Variants in HSPA12A observed in about 807,000 individuals in gnomAD.
HSPA12A encodes the protein heat shock protein family A (Hsp70) member 12A, also known as heat shock 70 kDa protein 12A.
Under a neutral mutation model 69.2 loss-of-function variants are expected in HSPA12A, and 28 were observed. The ratio of observed to expected loss-of-function variants is 0.40; its 90% CI spans 0.30 to 0.55. The LOEUF is 0.55. Among genes scored for constraint, HSPA12A ranks in the 20% least tolerant of loss-of-function variants. The pLI, the probability that HSPA12A is intolerant of heterozygous loss-of-function variation, is 0.38. For missense variants in HSPA12A, 686 were observed against 900.7 expected (o/e 0.76, Z 3.05); for synonymous variants, 345 against 370.5 (o/e 0.93, Z 0.79).
intron 2 of HSPA12A, among the ~76,000 whole-genome samples, chr10:116,759,446 A>T (rs1554889099): frequency 6.6e-6 from 1 of 152,166 alleles, no homozygotes; most frequent in African/African-American, 2.4e-5. Flanking sequence ...ATTGGACAGA[A>T]CTAGATCTCA....
chr10:116,783,096 A>G (rs1346257234), intron 2 of HSPA12A, among the ~76,000 whole-genome samples: 2 of 152,210 alleles, frequency 1.3e-5, no homozygotes, highest in Non-Finnish European at 2.9e-5. Flanking sequence ...ACAGATACCA[A>G]TCACGTCCAG....
intron 2 of HSPA12A, among the ~76,000 whole-genome samples, chr10:116,787,040 T>C (rs1844594522): frequency 6.6e-6 from 1 of 151,196 alleles, no homozygotes; most frequent in African/African-American, 2.4e-5. Flanking sequence ...ACACACACGG[T>C]CAGATTCTGC....
intron 2 of HSPA12A, among the ~76,000 whole-genome samples, chr10:116,761,087 A>C (rs1017124805): frequency 6.6e-6 from 1 of 152,338 alleles, no homozygotes; most frequent in East Asian, 1.9e-4. Flanking sequence ...ATGGTGGCTC[A>C]TGCCTGTAAT....
At chr10:116,726,054 C>CA (rs1554884997) in intron 1 of HSPA12A, among the ~76,000 whole-genome samples, 67 of 144,908 alleles carry the variant, frequency 4.6e-4, no homozygotes, top group African/African-American at 1.9e-3. Flanking sequence ...CACACACACA[C>CA]AACAGGCCAA....
In HSPA12A at chr10:116,698,642, G is replaced by A. The variant is rs782191373; in HGVS notation, c.539C>T (p.Ala180Val). 94 of 1,611,818 alleles carry A rather than the reference G, an allele frequency of 5.8e-5. No individual in the cohort carries two copies. Among genetic ancestry groups the A allele is most frequent in the African/African-American group, 1.2e-4 (9 of 74,932 alleles). ...AYALQYFKEQALKELSDQAGS... is the reference protein window; with the variant it reads ...AYALQYFKEQVLKELSDQAGS... ...CTCAACTATCAGTCCTACCTTCAGC[G>A]CCTGCTCCTTAAAGTACTGCAGGGC... Residue 180 changes from alanine (A) to valine (V), a missense_variant, in exon 5 of 12, where the codon GCG becomes GTG. Transcript: ENST00000369209.
chr10:116,838,064 C>A (rs1845746431), intron 1 of HSPA12A, among the ~76,000 whole-genome samples: 1 of 151,654 alleles, frequency 6.6e-6, no homozygotes. Context: ...TAAAAAAAAA[C>A]AAGATTTATA....
In HSPA12A at chr10:116,759,709, G is replaced by A. The variant is rs144739537; in HGVS notation, c.92-52424C>T. Among the ~76,000 whole-genome samples the A allele has an allele frequency of 1.1e-4, 16 of 152,218 alleles. No individual in the cohort carries two copies. In the East Asian group the frequency reaches 2.9e-3, roughly 28 times the overall value. On this transcript the variant is annotated intron_variant, in intron 2 of 12. Coordinates refer to the HSPA12A transcript ENST00000635765. ...CCTCAGGTGGAATTCAGTGGTTTCT[G>A]CTTGATATGGTTTGGCTGTGTCCCC...
At chr10:116,740,646 G>T (rs191995256) in intron 1 of HSPA12A, among the ~76,000 whole-genome samples, 223 of 11,830 alleles carry the variant, frequency 0.019, 1 homozygote, top group African/African-American at 0.04. Context: ...CCGTGTGTGT[G>T]TGTGTGTGTG....
chr10:116,679,024 A>G (rs1337838202), intron 10 of HSPA12A, among the ~76,000 whole-genome samples: 2 of 152,118 alleles, frequency 1.3e-5, no homozygotes, highest in African/African-American at 2.4e-5. Flanking sequence ...ACCGTCTTCT[A>G]AATATATTCA....
chr10:116,765,819 T>C (rs1476708411), intron 2 of HSPA12A, among the ~76,000 whole-genome samples: 1 of 152,208 alleles, frequency 6.6e-6, no homozygotes, highest in Non-Finnish European at 1.5e-5. Context: ...GTTCCCAGTC[T>C]TGCCTTAGCG....
intron 2 of HSPA12A, among the ~76,000 whole-genome samples, chr10:116,706,617 C>T (rs1351760618): frequency 7.2e-5 from 11 of 152,164 alleles, no homozygotes; most frequent in African/African-American, 1.2e-4. Flanking sequence ...TGTGCATCTA[C>T]GTGCACACCC....
intron 2 of HSPA12A, among the ~76,000 whole-genome samples, chr10:116,833,553 CCAAT>C (rs1845658116): frequency 6.6e-6 from 1 of 152,148 alleles, no homozygotes; most frequent in Admixed American, 6.5e-5. Flanking sequence ...AAAATCTCAA[CCAAT>C]CACTCTTTGT....
chr10:116,816,066 T>C (rs1845297110), intron 2 of HSPA12A, among the ~76,000 whole-genome samples: 1 of 152,086 alleles, frequency 6.6e-6, no homozygotes, highest in Admixed American at 6.5e-5. Context: ...TTCCTCATCT[T>C]ATGGGAGAGG....
At chr10:116,683,386 G>A (rs1849476212) in intron 7 of HSPA12A, 1 of 155,752 alleles carries the variant, frequency 6.4e-6, no homozygotes, top group African/African-American at 2.4e-5. Context: ...ACATGAAGCA[G>A]ACCCAATGAG....
intron 1 of HSPA12A, among the ~76,000 whole-genome samples, chr10:116,715,101 A>G (rs970450650): frequency 2.0e-5 from 3 of 152,224 alleles, no homozygotes; most frequent in Admixed American, 1.3e-4. Context: ...AAAGGAGGGC[A>G]AACCTATGGA....
At chr10:116,699,069 C>T (rs1421808062) in intron 4 of HSPA12A, among the ~76,000 whole-genome samples, 3 of 152,186 alleles carry the variant, frequency 2.0e-5, no homozygotes, top group African/African-American at 4.8e-5. Context: ...GCAGGTGCCA[C>T]TCCCCATGCA....
chr10:116,681,843 C>G lies in HSPA12A; in HGVS notation c.870G>C (p.Arg290=). 1 of 1,614,164 alleles carries G rather than the reference C, an allele frequency of 6.2e-7. No individual in the cohort carries two copies. Among genetic ancestry groups the G allele is most frequent in the Non-Finnish European group, 8.5e-7 (1 of 1,179,996 alleles). Residue 290 remains arginine (R), a synonymous_variant, in exon 8 of 12, where the codon CGG becomes CGC. Coordinates refer to ENST00000369209, the MANE Select transcript of HSPA12A (RefSeq NM_025015.3). ...KEHIRRNRQS[R]TFLVENVIGE... ...CTATGACATTCTCCACCAAAAAGGT[C>G]CGACTCTGCCGATTACGCCGTATGT...
chr10:116,785,730 A>C (rs1329097172), intron 2 of HSPA12A, among the ~76,000 whole-genome samples: 1 of 152,132 alleles, frequency 6.6e-6, no homozygotes, highest in Non-Finnish European at 1.5e-5. Flanking sequence ...GAGCACTGGC[A>C]TCTGCTGTCA....
At chr10:116,807,200 C>T (rs1461831762) in intron 2 of HSPA12A, among the ~76,000 whole-genome samples, 1 of 149,704 alleles carries the variant, frequency 6.7e-6, no homozygotes, top group Non-Finnish European at 1.5e-5. Flanking sequence ...GTGGGCTCAG[C>T]CAGTGCAGGG....
Sources: gnomAD v4.1 joint callset for allele counts (sites outside exome capture counted in the v4.1 genomes callset) on GRCh38, gnomAD v4.1.1 for gene constraint, MANE v1.5 for transcripts, NCBI Gene and HGNC (gene_info 2026-07-23, HGNC 2026-07-21) for gene names.